WASHC2A: variants seen among roughly 807,000 people sequenced by gnomAD.
WASHC2A encodes the protein WASH complex subunit 2A.
Under a neutral mutation model 140.3 loss-of-function variants are expected in WASHC2A, and 82 were observed. The ratio of observed to expected loss-of-function variants is 0.58; its 90% CI spans 0.49 to 0.70. WASHC2A has a LOEUF of 0.70. WASHC2A is among the 30% of genes least tolerant of loss of function. WASHC2A has a pLI of 0.00. For synonymous variants in WASHC2A, 340 were observed against 560.8 expected (o/e 0.61, Z 5.56); for missense variants, 985 against 1,521.8 (o/e 0.65, Z 5.87).
intron 29 of WASHC2A, among the ~76,000 whole-genome samples, chr10:50,130,544 C>G (rs1843862260): frequency 1.3e-5 from 2 of 152,052 alleles, no homozygotes; most frequent in Admixed American, 1.3e-4. Flanking sequence ...CTCCTCAGAG[C>G]TCTCTGGGAA....
intron 20 of WASHC2A, among the ~76,000 whole-genome samples, chr10:50,111,356 G>C (rs1179156992): frequency 6.6e-6 from 1 of 150,726 alleles, no homozygotes; most frequent in African/African-American, 2.4e-5. Context: ...TCTGTAACTT[G>C]ACACTCGGAT....
intron 10 of WASHC2A, among the ~76,000 whole-genome samples, chr10:50,091,876 C>T (rs1839961514): frequency 9.2e-4 from 140 of 152,242 alleles, no homozygotes; most frequent in Non-Finnish European, 5.9e-5. Flanking sequence ...ATAGCATATT[C>T]TAGTTATAAC....
At chr10:50,100,430 C>G (rs1185683033) in intron 17 of WASHC2A, among the ~76,000 whole-genome samples, 1 of 151,866 alleles carries the variant, frequency 6.6e-6, no homozygotes, top group Non-Finnish European at 1.5e-5. Flanking sequence ...TGCAATGAAC[C>G]GAGATCACAC....
At chr10:50,092,658 AAAAC>A (rs1304580339) in intron 11 of WASHC2A, among the ~76,000 whole-genome samples, 3 of 151,588 alleles carry the variant, frequency 2.0e-5, no homozygotes, top group East Asian at 2.0e-4. Context: ...CTCCATCCCA[AAAAC>A]AAACAGAAGC....
chr10:50,079,700 G>GTATT (rs1838722911), intron 4 of WASHC2A, among the ~76,000 whole-genome samples: 3 of 152,136 alleles, frequency 2.0e-5, no homozygotes, highest in Non-Finnish European at 4.4e-5. Flanking sequence ...TGCCCAGCAG[G>GTATT]TTATTTTATT....
At chr10:50,121,089 A>G (rs1419304196) in intron 23 of WASHC2A, among the ~76,000 whole-genome samples, 2 of 149,140 alleles carry the variant, frequency 1.3e-5, no homozygotes, top group Non-Finnish European at 2.9e-5. Context: ...GAACAACACA[A>G]CAATGTCCAC....
intron 18 of WASHC2A, among the ~76,000 whole-genome samples, chr10:50,104,366 CTTT>C (rs1203711741): frequency 8.2e-6 from 1 of 122,186 alleles, no homozygotes. Context: ...TGATGCAGTT[CTTT>C]TTTTTTTTTT....
At chr10:50,121,659 G>C (rs1224715219) in intron 23 of WASHC2A, among the ~76,000 whole-genome samples, 1 of 149,152 alleles carries the variant, frequency 6.7e-6, no homozygotes. Flanking sequence ...CTCCCGAAGT[G>C]CTGGGATTAC....
At position 50,118,044 on chromosome 10, in the gene WASHC2A, GC is replaced by G. The variant is rs1322702730; in HGVS notation, c.2282del (p.Ala761ValfsTer9). Reference protein sequence around the residue: ...ESLKFGRTDVAESEKEGLLTR... With the variant: ...ESLKFGRTDVXESEKEGLLTR... The stretch of plus-strand genomic sequence containing the variant: ...ATTAAAATTTGGGAGAACTGATGTG[GC>G]TGAGTCAGAAAAGGTGGACTTTTTT... On this transcript the variant is annotated frameshift_variant, in exon 22 of 31. Transcript: ENST00000282633. LOFTEE classifies it high-confidence loss of function. The G allele has an allele frequency of 1.2e-6, 2 of 1,607,622 alleles. 1 individual carries two copies. The highest frequency in any genetic ancestry group is 1.7e-6 in the Non-Finnish European group (2 of 1,177,338).
At chr10:50,120,495 C>T (rs1842932213) in intron 23 of WASHC2A, among the ~76,000 whole-genome samples, 1 of 136,908 alleles carries the variant, frequency 7.3e-6, no homozygotes, top group Non-Finnish European at 1.5e-5. Flanking sequence ...TGACGCTTGC[C>T]TGTAATCCCA....
chr10:50,091,643 A>G, intron 10 of WASHC2A, 125 bp downstream of exon 10: 2 of 952,120 alleles, frequency 2.1e-6, no homozygotes, highest in Non-Finnish European at 3.1e-6. Flanking sequence ...TAATTGCTAC[A>G]TATAATTTAA....
intron 30 of WASHC2A, among the ~76,000 whole-genome samples, chr10:50,132,099 T>C (rs1844026802): frequency 6.6e-6 from 1 of 152,264 alleles, no homozygotes; most frequent in African/African-American, 2.4e-5. Context: ...GAGATCTCCT[T>C]CCTTGTTTTC....
At chr10:50,100,845 A>G (rs1315813244) in intron 17 of WASHC2A, among the ~76,000 whole-genome samples, 3 of 152,304 alleles carry the variant, frequency 2.0e-5, no homozygotes, top group African/African-American at 7.2e-5. Flanking sequence ...CCTTAGAACC[A>G]CCTCTCAGAA....
chr10:50,128,790 T>C (rs1207180876), intron 28 of WASHC2A, among the ~76,000 whole-genome samples: 1 of 152,220 alleles, frequency 6.6e-6, no homozygotes, highest in Non-Finnish European at 1.5e-5. Flanking sequence ...TTGGAAACTA[T>C]CATAAATACT....
At chr10:50,090,367 G>A (rs1368783586) in intron 8 of WASHC2A, among the ~76,000 whole-genome samples, 2 of 150,480 alleles carry the variant, frequency 1.3e-5, no homozygotes, top group African/African-American at 2.4e-5. Context: ...GCTGGGCGTG[G>A]TGGTGCATGC....
intron 26 of WASHC2A, chr10:50,126,489 T>A (rs1843441485): frequency 4.2e-6 from 1 of 240,582 alleles, no homozygotes; most frequent in Non-Finnish European, 8.2e-6. Context: ...TCCCTCTGGA[T>A]TTCCTTGGAA....
In WASHC2A at chr10:50,129,794, G is replaced by A. The variant is rs1843774253; in HGVS notation, c.3463G>A (p.Ala1155Thr). Residue 1155 changes from alanine (A) to threonine (T), a missense_variant, in exon 29 of 31, where the codon GCA becomes ACA. By Grantham distance (58) the Ala-to-Thr change is moderately conservative. Coordinates refer to ENST00000282633, the MANE Select transcript of WASHC2A (RefSeq NM_001005751.3). ...GAGAACAAAACCCAAGGCAAAGATA[G>A]CAGAGAATCCTGCCAACCCACCAGT... The part of the protein sequence containing the change: ...VERTKPKAKI[A>T]ENPANPPVGG... The A allele has an allele frequency of 2.5e-6, 4 of 1,611,958 alleles. No individual in the cohort carries two copies. The South Asian group carries it at 3.3e-5, about 13-fold the overall frequency.
In WASHC2A at chr10:50,127,205, C is replaced by T. The variant is rs1464860808; in HGVS notation, c.2857C>T (p.Arg953Trp). The change falls in exon 27 of 31, where the codon CGG (arginine) becomes TGG (tryptophan). Residue 953 changes from arginine (R) to tryptophan (W), a missense_variant. Transcript: ENST00000282633. ...ATTTAAAACCAAAGAACCATCCACT[C>T]GGATCGGGAAGATACAAGTAATTAA... Reference protein sequence around the residue: ...APFKTKEPSTRIGKIQANLAI... With the variant: ...APFKTKEPSTWIGKIQANLAI... The T allele has an allele frequency of 6.8e-6, 11 of 1,611,936 alleles. No individual in the cohort carries two copies. Among genetic ancestry groups the T allele is most frequent in the South Asian group, 5.5e-5 (5 of 90,998 alleles).
In WASHC2A at chr10:50,095,475, C is replaced by A. The variant is rs1840392052; in HGVS notation, c.1241-124C>A. The A allele has an allele frequency of 5.1e-6, 7 of 1,378,236 alleles. No individual in the cohort carries two copies. In the South Asian group the frequency reaches 7.6e-5, roughly 15 times the overall value. The allele number at this position is 1,378,236 out of a possible 1,614,324, so 85.4% of individuals were successfully genotyped here. On this transcript the variant is annotated intron_variant, in intron 14 of 30. Coordinates refer to ENST00000282633, the MANE Select transcript of WASHC2A (RefSeq NM_001005751.3). ...GCAGTAATGGATGGAGGCTATTGGG[C>A]CCTGTTATGCATTTTGTGGATTAAC...
Sources: gnomAD v4.1 joint callset for allele counts (sites outside exome capture counted in the v4.1 genomes callset) on GRCh38, gnomAD v4.1.1 for gene constraint, MANE v1.5 for transcripts, NCBI Gene and HGNC (gene_info 2026-07-23, HGNC 2026-07-21) for gene names.